Variants in HMCN1 observed in about 807,000 individuals in gnomAD.
HMCN1 encodes the protein hemicentin 1.
HMCN1 carries 321 observed loss-of-function variants against 625.9 expected under a neutral mutation model. The ratio of observed to expected loss-of-function variants is 0.51; its 90% confidence interval spans 0.47 to 0.56. The LOEUF (loss-of-function observed/expected upper bound fraction) is 0.56. Among genes scored for constraint, HMCN1 ranks in the 20% least tolerant of loss-of-function variants. The pLI is 0.00. For synonymous variants in HMCN1, 2,425 were observed against 2,417.6 expected (o/e 1.00, Z -0.09); for missense variants, 6,588 against 6,887.3 (o/e 0.96, Z 1.54).
intron 1 of HMCN1, among the ~76,000 whole-genome samples, chr1:185,826,475 G>A (rs990804990): frequency 6.6e-6 from 1 of 152,198 alleles, no homozygotes; most frequent in African/African-American, 2.4e-5. Context: ...CAGTGCAACA[G>A]CTGTGCAGCT....
At chr1:185,815,959 T>C (rs866500806) in intron 1 of HMCN1, among the ~76,000 whole-genome samples, 10 of 150,134 alleles carry the variant, frequency 6.7e-5, no homozygotes, top group South Asian at 2.1e-4. Flanking sequence ...GCTACCCACT[T>C]AGCAATATCA....
intron 2 of HMCN1, among the ~76,000 whole-genome samples, chr1:185,859,728 C>T (rs1040870426): frequency 1.3e-5 from 2 of 151,928 alleles, no homozygotes; most frequent in African/African-American, 2.4e-5. Flanking sequence ...TGTAGTGGTG[C>T]GATCTCGATT....
rs60299246 is a variant in HMCN1 at position 185,837,005 on chromosome 1, GGTGTGTGTGTGTGT to G, written c.269-9008_269-8995del. ...TGGTATTCTATGGTGTATATTCCATGGTGTGTGTGTGTGTGTGTGTGTGTGTATATATAAAATAT... is the reference window on the plus strand; with the variant it reads ...TGGTATTCTATGGTGTATATTCCATGGTGTGTGTGTGTATATATAAAATAT... On this transcript the variant is annotated intron_variant, in intron 1 of 106. Transcript: ENST00000271588. Among the ~76,000 whole-genome samples the G allele has an allele frequency of 2.8e-5, 4 of 142,932 alleles. No homozygotes were observed. The Admixed American group carries it at 2.8e-4, about 10-fold the overall frequency. The allele number at this position is 142,932 out of a possible 152,430, so 93.8% of individuals were successfully genotyped here.
chr1:186,161,730 A>C (rs1651494469), intron 97 of HMCN1, among the ~76,000 whole-genome samples: 2 of 152,076 alleles, frequency 1.3e-5, no homozygotes, highest in South Asian at 4.1e-4. Flanking sequence ...CTTTTCTTTA[A>C]GAATGTTGAA....
In HMCN1 at chr1:186,039,843, T is replaced by G. The variant is rs766032180; in HGVS notation, c.6144T>G (p.Asp2048Glu). 6.2e-7 allele frequency: 1 copy of G among 1,613,514 alleles called. No individual in the cohort carries two copies. Among genetic ancestry groups the G allele is most frequent in the South Asian group, 1.1e-5 (1 of 91,082 alleles). Residue 2048 changes from aspartate (D) to glutamate (E), a missense_variant, in exon 39 of 107, where the codon GAT (aspartate) becomes GAG (glutamate). By Grantham distance (45) the Asp-to-Glu change is conservative (BLOSUM62 2). Coordinates refer to ENST00000271588, the MANE Select transcript of HMCN1 (RefSeq NM_031935.3). ...IPAPSLTWLKDGSPVSSFSNG... is the reference protein window; with the variant it reads ...IPAPSLTWLKEGSPVSSFSNG... ...CCCCAAGTCTGACCTGGTTGAAAGA[T>G]GGGAGTCCTGTTTCTAGTTTTTCTA...
At position 185,876,274 on chromosome 1, in the gene HMCN1, T is replaced by C. The variant is rs149397562; in HGVS notation, c.621+10411T>C. Among the ~76,000 whole-genome samples, 27 of 152,252 alleles carry C rather than the reference T, an allele frequency of 1.8e-4. No individual in the cohort carries two copies. In the East Asian group the frequency reaches 4.6e-3, roughly 26 times the overall value. On this transcript the variant is annotated intron_variant, in intron 4 of 106. Transcript: ENST00000271588. ...CTTTTTTTATAGCAGAATAGTATTCTATAGTGTATATACACCACATTTTCT... is the reference window on the plus strand; with the variant it reads ...CTTTTTTTATAGCAGAATAGTATTCCATAGTGTATATACACCACATTTTCT...
chr1:185,792,830 T>TA (rs1323401730), intron 1 of HMCN1, among the ~76,000 whole-genome samples: 2 of 152,196 alleles, frequency 1.3e-5, no homozygotes, highest in African/African-American at 4.8e-5. Flanking sequence ...CCCCATGTGT[T>TA]ACAGCAAACT....
intron 86 of HMCN1, among the ~76,000 whole-genome samples, chr1:186,132,755 G>A (rs866320580): frequency 2.0e-5 from 3 of 151,684 alleles, no homozygotes; most frequent in South Asian, 2.1e-4. Context: ...CCATTAACTC[G>A]TCATTTAACA....
At chr1:186,055,331 T>A in intron 44 of HMCN1, 62 bp from the exon 45 acceptor site, 1 of 1,478,804 alleles carries the variant, frequency 6.8e-7, no homozygotes, top group Non-Finnish European at 9.4e-7. Flanking sequence ...TGAAAATTCC[T>A]ATGTAAGACT....
At chr1:185,957,899 A>T (rs983631724) in intron 11 of HMCN1, among the ~76,000 whole-genome samples, 1 of 135,422 alleles carries the variant, frequency 7.4e-6, no homozygotes, top group Non-Finnish European at 1.5e-5. Flanking sequence ...TCATTATATT[A>T]TAACTCTTTT....
chr1:185,781,247 T>G (rs1202366936), intron 1 of HMCN1, among the ~76,000 whole-genome samples: 4 of 152,206 alleles, frequency 2.6e-5, no homozygotes, highest in African/African-American at 9.7e-5. Flanking sequence ...CTTTTCTTCT[T>G]TATTAGTCTT....
chr1:185,956,240 C>T (rs1214096863), intron 11 of HMCN1, among the ~76,000 whole-genome samples: 1 of 152,006 alleles, frequency 6.6e-6, no homozygotes, highest in Non-Finnish European at 1.5e-5. Context: ...CAGCAGACAC[C>T]AGCCAGGTGA....
At chr1:185,942,146 A>T (rs1379966738) in intron 11 of HMCN1, among the ~76,000 whole-genome samples, 1 of 150,058 alleles carries the variant, frequency 6.7e-6, no homozygotes, top group Non-Finnish European at 1.5e-5. Flanking sequence ...AGCCGAGATC[A>T]CGCCACTGCA....
rs1429968888 is a variant in HMCN1, at chr1:185,735,039, A to G, written c.260A>G (p.His87Arg). 6.2e-7 allele frequency: 1 copy of G among 1,614,076 alleles called. No homozygotes were observed. Among genetic ancestry groups the G allele is most frequent in the South Asian group, 1.1e-5 (1 of 91,082 alleles). The change falls in exon 1 of 107, where the codon CAT (histidine) becomes CGT (arginine). Residue 87 changes from histidine to arginine, a missense_variant. Physicochemically the swap from His to Arg is conservative, Grantham distance 29 (BLOSUM62 0). Coordinates refer to ENST00000271588, the MANE Select transcript of HMCN1 (RefSeq NM_031935.3). ...PLFNFALVPFHDPEIGPVTIT... is the reference protein window; with the variant it reads ...PLFNFALVPFRDPEIGPVTIT... ...TTCAACTTTGCGTTGGTGCCTTTCC[A>G]TGATCCAGGTAAGGGAAATATTTAT...
chr1:185,958,412 T>C (rs983567387), intron 11 of HMCN1, among the ~76,000 whole-genome samples: 5 of 152,118 alleles, frequency 3.3e-5, no homozygotes, highest in African/African-American at 1.2e-4. Flanking sequence ...AGCCACCACG[T>C]ACAGGCTGAA....
intron 2 of HMCN1, among the ~76,000 whole-genome samples, chr1:185,861,953 C>T (rs1221580545): frequency 2.0e-5 from 3 of 152,054 alleles, no homozygotes; most frequent in Admixed American, 6.6e-5. Flanking sequence ...TGAGCTTATA[C>T]AATAATGGAA....
chr1:186,047,274 G>A (rs1656639010), intron 41 of HMCN1, among the ~76,000 whole-genome samples: 1 of 152,120 alleles, frequency 6.6e-6, no homozygotes, highest in African/African-American at 2.4e-5. Flanking sequence ...AAAAGAAGAA[G>A]AAGAAAAGGC....
rs1657774238 is a variant in HMCN1 at position 186,062,570 on chromosome 1, CAG to C, written c.7486_7487del (p.Ser2496CysfsTer6). On this transcript the variant is annotated frameshift_variant, in exon 48 of 107. Transcript: ENST00000271588. LOFTEE classifies it high-confidence loss of function. ...TLEDVKVKEK[Q>X]SVTLTCEVTG... is the part of the protein sequence containing the mutation. ...GGAAGATGTGAAGGTAAAAGAGAAA[CAG>C]AGTGTTACGCTGACTTGTGAAGTGA... 2.5e-6 allele frequency: 4 copies of C among 1,612,674 alleles called. No individual in the cohort carries two copies. Among genetic ancestry groups the C allele is most frequent in the Non-Finnish European group, 3.4e-6 (4 of 1,178,960 alleles).
chr1:186,108,035 TAAAAAA>T (rs559777006), intron 70 of HMCN1, among the ~76,000 whole-genome samples: 3 of 98,308 alleles, frequency 3.1e-5, no homozygotes, highest in Non-Finnish European at 6.0e-5. Context: ...GTAAATTCTG[TAAAAAA>T]AAAAAAAAAA....
Sources: allele counts gnomAD v4.1 joint callset (sites outside exome capture counted in the v4.1 genomes callset), GRCh38; gene constraint gnomAD v4.1.1; transcripts MANE v1.5; gene names NCBI Gene and HGNC (gene_info 2026-07-23, HGNC 2026-07-21).